Variants in PTPRD observed in about 807,000 individuals in gnomAD.
The protein encoded by PTPRD is receptor-type tyrosine-protein phosphatase delta.
A neutral mutation model predicts 214.5 loss-of-function variants in PTPRD; 34 were observed. The observed-to-expected ratio is 0.16, with a 90% CI of 0.12 to 0.21. The LOEUF is 0.21. PTPRD is among the 10% of genes least tolerant of loss of function. The pLI is 1.00. For synonymous variants in PTPRD, 1,128 were observed against 845.7 expected (o/e 1.33, Z -5.79); for missense variants, 2,545 against 2,398.7 (o/e 1.06, Z -1.27).
At chr9:10,163,942 T>A (rs1810208265) in intron 3 of PTPRD, among the ~76,000 whole-genome samples, 1 of 151,500 alleles carries the variant, frequency 6.6e-6, no homozygotes, top group South Asian at 2.1e-4. Flanking sequence ...TTTCACAATA[T>A]TAACATAAAG....
At chr9:8,887,662 T>C (rs925399881) in intron 11 of PTPRD, among the ~76,000 whole-genome samples, 4 of 152,204 alleles carry the variant, frequency 2.6e-5, no homozygotes, top group African/African-American at 9.7e-5. Flanking sequence ...TCAAAACCTA[T>C]CCTAGTTACA....
intron 12 of PTPRD, among the ~76,000 whole-genome samples, chr9:8,642,314 C>T (rs189484195): frequency 5.3e-5 from 8 of 152,230 alleles, no homozygotes; most frequent in Admixed American, 2.6e-4. Flanking sequence ...CAGCATGTAA[C>T]GAATTGGCTT....
intron 33 of PTPRD, among the ~76,000 whole-genome samples, chr9:8,459,780 A>G (rs2096333269): frequency 2.0e-5 from 3 of 152,128 alleles, no homozygotes; most frequent in Admixed American, 6.5e-5. Flanking sequence ...ATTTTTTAAA[A>G]AAGGAAAATA....
At chr9:9,649,653 A>G (rs149507921) in intron 7 of PTPRD, among the ~76,000 whole-genome samples, 2 of 152,334 alleles carry the variant, frequency 1.3e-5, no homozygotes, top group African/African-American at 4.8e-5. Context: ...TGAAATTCTC[A>G]TAACTAGAGT....
chr9:8,936,773 T>G (rs1042955429), intron 11 of PTPRD, among the ~76,000 whole-genome samples: 5 of 152,316 alleles, frequency 3.3e-5, no homozygotes, highest in Admixed American at 6.5e-5. Flanking sequence ...TTGGCTATCA[T>G]AAATGTATTG....
chr9:10,458,102 T>C (rs190483537), intron 2 of PTPRD, among the ~76,000 whole-genome samples: 22 of 152,186 alleles, frequency 1.4e-4, no homozygotes, highest in African/African-American at 5.3e-4. Context: ...CCAATGGCTT[T>C]ATAGCTGAAT....
At chr9:9,206,828 G>A (rs2099945157) in intron 9 of PTPRD, among the ~76,000 whole-genome samples, 1 of 152,144 alleles carries the variant, frequency 6.6e-6, no homozygotes, top group Non-Finnish European at 1.5e-5. Flanking sequence ...TTGGGATTCA[G>A]ACTGGCATCC....
At chr9:8,367,692 A>G (rs56783590) in intron 39 of PTPRD, among the ~76,000 whole-genome samples, 11,600 of 152,250 alleles carry the variant, frequency 0.076, 1,246 homozygotes, top group African/African-American at 0.24. Flanking sequence ...TGAATCAACA[A>G]TTACGTAGAA....
chr9:9,069,493 A>T (rs1227145939), intron 10 of PTPRD, among the ~76,000 whole-genome samples: 1 of 152,220 alleles, frequency 6.6e-6, no homozygotes, highest in African/African-American at 2.4e-5. Context: ...TTACTGACAG[A>T]ATGTAGTGAG....
chr9:9,137,527 T>A (rs992898532), intron 10 of PTPRD, among the ~76,000 whole-genome samples: 2 of 152,164 alleles, frequency 1.3e-5, no homozygotes, highest in African/African-American at 4.8e-5. Flanking sequence ...TCCAAAGTTA[T>A]AAAATTATTA....
chr9:10,246,389 G>A (rs1398043196), intron 3 of PTPRD, among the ~76,000 whole-genome samples: 1 of 152,048 alleles, frequency 6.6e-6, no homozygotes, highest in African/African-American at 2.4e-5. Context: ...GATTACAGGT[G>A]CCCACCATCA....
intron 11 of PTPRD, among the ~76,000 whole-genome samples, chr9:8,838,912 G>A (rs894798068): frequency 2.6e-5 from 4 of 151,596 alleles, no homozygotes; most frequent in Non-Finnish European, 5.9e-5. Context: ...AATAATAAGA[G>A]AGAAAAAAAA....
chr9:8,897,662 G>A (rs2098631086), intron 11 of PTPRD, among the ~76,000 whole-genome samples: 2 of 152,174 alleles, frequency 1.3e-5, no homozygotes, highest in African/African-American at 4.8e-5. Context: ...AATGCTTTCA[G>A]GGTACCCTGA....
At chr9:10,047,344 G>GTA in intron 3 of PTPRD, among the ~76,000 whole-genome samples, 1 of 150,450 alleles carries the variant, frequency 6.6e-6, no homozygotes, top group Non-Finnish European at 1.5e-5. Flanking sequence ...GTGTGCGTGT[G>GTA]TGTGTGTGCT....
intron 7 of PTPRD, among the ~76,000 whole-genome samples, chr9:9,638,170 T>C (rs2095832525): frequency 1.3e-5 from 2 of 152,220 alleles, no homozygotes. Flanking sequence ...TATTCTTTAC[T>C]TGGCCAGGCT....
At chr9:9,288,181 C>T (rs1030982984) in intron 9 of PTPRD, among the ~76,000 whole-genome samples, 14 of 151,738 alleles carry the variant, frequency 9.2e-5, no homozygotes, top group African/African-American at 3.4e-4. Flanking sequence ...AAGATTTTTT[C>T]TTCATTATAT....
intron 14 of PTPRD, among the ~76,000 whole-genome samples, chr9:8,586,314 T>TC (rs1196435978): frequency 6.6e-5 from 10 of 152,184 alleles, no homozygotes; most frequent in African/African-American, 2.4e-4. Context: ...ATAATAATAA[T>TC]TTATAATATC....
chr9:10,430,787 T>A (rs566065476), intron 2 of PTPRD, among the ~76,000 whole-genome samples: 252 of 152,084 alleles, frequency 1.7e-3, no homozygotes, highest in African/African-American at 4.6e-3. Flanking sequence ...TAATGATTAG[T>A]ACATGGTAGG....
intron 7 of PTPRD, among the ~76,000 whole-genome samples, chr9:9,675,312 A>G (rs2096908266): frequency 6.6e-6 from 1 of 151,854 alleles, no homozygotes; most frequent in African/African-American, 2.4e-5. Context: ...ATATTCTTAA[A>G]TGCTCATAAT....
Sources: gnomAD v4.1 joint callset for allele counts (sites outside exome capture counted in the v4.1 genomes callset) on GRCh38, gnomAD v4.1.1 for gene constraint, MANE v1.5 for transcripts, NCBI Gene and HGNC (gene_info 2026-07-23, HGNC 2026-07-21) for gene names.